Variants in ARHGEF3 observed in about 807,000 individuals in gnomAD.
ARHGEF3 encodes the protein 59.8 kDA protein.
In ARHGEF3, 28 loss-of-function variants were observed where a neutral mutation model predicts 63.2. The ratio of observed to expected loss-of-function variants is 0.44; its 90% confidence interval spans 0.33 to 0.61. The LOEUF is 0.61. Among genes scored for constraint, ARHGEF3 ranks in the 20% least tolerant of loss-of-function variants. ARHGEF3 has a pLI of 0.03. For synonymous variants in ARHGEF3, 266 were observed against 254.2 expected (o/e 1.05, Z -0.44); for missense variants, 533 against 659.3 (o/e 0.81, Z 2.10).
At chr3:56,971,320 C>T (rs1443091004) in intron 2 of ARHGEF3, among the ~76,000 whole-genome samples, 1 of 152,138 alleles carries the variant, frequency 6.6e-6, no homozygotes, top group Non-Finnish European at 1.5e-5. Flanking sequence ...TGACATGGGG[C>T]TGTGGATCTG....
At chr3:57,074,526 C>A in intron 1 of ARHGEF3, 1 of 483,630 alleles carries the variant, frequency 2.1e-6, no homozygotes, top group Non-Finnish European at 3.8e-6. Flanking sequence ...TCTTAGCCCC[C>A]GGGGAACCTT....
chr3:56,902,509 T>G (rs1213139585), intron 3 of ARHGEF3, among the ~76,000 whole-genome samples: 1 of 152,178 alleles, frequency 6.6e-6, no homozygotes, highest in East Asian at 1.9e-4. Context: ...CCCTACATCC[T>G]TTTTAGTCTG....
intron 4 of ARHGEF3, among the ~76,000 whole-genome samples, chr3:56,844,787 T>C (rs1236844268): frequency 2.0e-5 from 3 of 152,134 alleles, no homozygotes; most frequent in Non-Finnish European, 4.4e-5. Context: ...CACTAAACAT[T>C]ACACATAGCA....
At chr3:57,067,278 T>C (rs1010086061) in intron 1 of ARHGEF3, among the ~76,000 whole-genome samples, 9 of 151,194 alleles carry the variant, frequency 6.0e-5, no homozygotes, top group South Asian at 2.1e-4. Flanking sequence ...GGTGAAACCC[T>C]GTCTCTTCTA....
intron 3 of ARHGEF3, among the ~76,000 whole-genome samples, chr3:56,932,838 A>T (rs1416398940): frequency 6.6e-6 from 1 of 152,202 alleles, no homozygotes; most frequent in Non-Finnish European, 1.5e-5. Flanking sequence ...GCTTTAAAAA[A>T]TTTCCAATCC....
intron 1 of ARHGEF3, among the ~76,000 whole-genome samples, chr3:57,056,903 G>C (rs1443053465): frequency 6.6e-6 from 1 of 151,826 alleles, no homozygotes; most frequent in East Asian, 1.9e-4. Context: ...AAAACACAAA[G>C]GCTCCTCTTG....
chr3:57,051,607 GC>G (rs1215133200), intron 1 of ARHGEF3, among the ~76,000 whole-genome samples: 1 of 152,224 alleles, frequency 6.6e-6, no homozygotes, highest in Non-Finnish European at 1.5e-5. Context: ...TGCAGGTACT[GC>G]TCTTGGTGCT....
At chr3:56,801,653 C>G (rs750275090) in intron 1 of ARHGEF3, 50 bp downstream of exon 1, 1 of 1,540,696 alleles carries the variant, frequency 6.5e-7, no homozygotes, top group South Asian at 1.2e-5. Context: ...TGGAGGCAGA[C>G]GAGACAGGCA....
chr3:57,074,194 C>T (rs747343714), intron 1 of ARHGEF3: 1 of 1,614,170 alleles, frequency 6.2e-7, no homozygotes, highest in Admixed American at 1.7e-5. Flanking sequence ...AACCAACTGA[C>T]ATTTACTGAG....
chr3:56,882,603 C>G (rs2040807385), intron 3 of ARHGEF3, among the ~76,000 whole-genome samples: 1 of 149,014 alleles, frequency 6.7e-6, no homozygotes, highest in Non-Finnish European at 1.5e-5. Context: ...ACTGCAACCT[C>G]TGCCTCCTCG....
At chr3:56,982,694 A>G (rs1384780469) in intron 2 of ARHGEF3, among the ~76,000 whole-genome samples, 1 of 152,184 alleles carries the variant, frequency 6.6e-6, no homozygotes, top group African/African-American at 2.4e-5. Context: ...CGGTGAATGA[A>G]TGAATGAATG....
chr3:56,916,769 A>C (rs1041357607), intron 3 of ARHGEF3, among the ~76,000 whole-genome samples: 13 of 152,200 alleles, frequency 8.5e-5, no homozygotes, highest in Non-Finnish European at 1.5e-4. Flanking sequence ...TCACTAGGAG[A>C]AGGGACACTG....
intron 3 of ARHGEF3, among the ~76,000 whole-genome samples, chr3:56,902,419 A>T (rs2041541676): frequency 2.0e-5 from 3 of 152,236 alleles, no homozygotes; most frequent in Admixed American, 2.0e-4. Flanking sequence ...TTCATTCAAA[A>T]GAGCTTTGCA....
chr3:57,013,967 C>T (rs1364941932), intron 2 of ARHGEF3, among the ~76,000 whole-genome samples: 1 of 152,226 alleles, frequency 6.6e-6, no homozygotes, highest in South Asian at 2.1e-4. Flanking sequence ...TTTTGTTCCT[C>T]TGCTCTTTGC....
intron 8 of ARHGEF3, among the ~76,000 whole-genome samples, chr3:56,733,814 T>A (rs921513622): frequency 1.3e-5 from 2 of 151,708 alleles, no homozygotes; most frequent in African/African-American, 4.8e-5. Flanking sequence ...TGAAACCCCA[T>A]CTCTACTAAA....
chr3:56,944,569 T>TTTTTTG (rs1699371417), intron 3 of ARHGEF3, among the ~76,000 whole-genome samples: 1 of 35,272 alleles, frequency 2.8e-5, no homozygotes, highest in African/African-American at 7.9e-5. Context: ...AAGTGGTTTC[T>TTTTTTG]TTTTTTTTTT....
At chr3:56,984,610 G>A (rs1701463356) in intron 2 of ARHGEF3, among the ~76,000 whole-genome samples, 1 of 152,032 alleles carries the variant, frequency 6.6e-6, no homozygotes. Flanking sequence ...AATATTGATC[G>A]TGGCATAACT....
At position 56,737,184 on chromosome 3, in the gene ARHGEF3, C is replaced by T. The variant is rs1317072555; in HGVS notation, c.1041+1G>A. 6.2e-7 allele frequency: 1 copy of T among 1,612,910 alleles called. No individual in the cohort carries two copies. Among genetic ancestry groups the T allele is most frequent in the South Asian group, 1.1e-5 (1 of 90,954 alleles). On this transcript the variant is annotated splice_donor_variant, in intron 8 of 9. Coordinates refer to ENST00000296315, the MANE Select transcript of ARHGEF3 (RefSeq NM_019555.3). LOFTEE classifies it high-confidence loss of function. The stretch of plus-strand genomic sequence containing the variant: ...ACTGCTTAAAGGGAGTAACTACTTA[C>T]CACGCCCCGATTGTTCTTCAGTTCA...
intron 1 of ARHGEF3, among the ~76,000 whole-genome samples, chr3:57,064,625 G>T (rs902140449): frequency 6.6e-6 from 1 of 152,192 alleles, no homozygotes; most frequent in South Asian, 2.1e-4. Context: ...AGGAAATTCT[G>T]ACACATGTTA....
Sources: allele counts gnomAD v4.1 joint callset (sites outside exome capture counted in the v4.1 genomes callset), GRCh38; gene constraint gnomAD v4.1.1; transcripts MANE v1.5; gene names NCBI Gene and HGNC (gene_info 2026-07-23, HGNC 2026-07-21).